AKAP3: variants seen among roughly 807,000 people sequenced by gnomAD.
AKAP3 encodes the protein A-kinase anchoring protein 3, also known as A-kinase anchor protein 3.
A neutral mutation model predicts 57.2 loss-of-function variants in AKAP3; 27 were observed. The observed-to-expected ratio is 0.47, with a 90% CI of 0.35 to 0.65. The LOEUF is 0.65. Among genes scored for constraint, AKAP3 ranks in the 30% least tolerant of loss-of-function variants. The pLI is 0.01. For missense variants in AKAP3, 959 were observed against 1,040.0 expected (o/e 0.92, Z 1.07); for synonymous variants, 334 against 392.3 (o/e 0.85, Z 1.76).
rs1253166969 is a variant in AKAP3 at position 4,648,945 on chromosome 12, T to A, written c.-445A>T. ...AGATCTGAGATTCCAACAGCCAAAG[T>A]CTTTTCACTTCCTTTCTTCCCCCTC... On this transcript the variant is annotated 5_prime_UTR_variant, in exon 1 of 6. Transcript: ENST00000228850. The A allele has an allele frequency of 6.1e-6, 4 of 653,652 alleles. No homozygotes were observed. In the African/African-American group the frequency reaches 7.3e-5, roughly 12 times the overall value. 40.5% of individuals were successfully genotyped at this position (653,652 alleles called of 1,614,324 possible).
intron 4 of AKAP3, among the ~76,000 whole-genome samples, chr12:4,631,565 A>G (rs1215540256): frequency 6.6e-6 from 1 of 152,022 alleles, no homozygotes; most frequent in Non-Finnish European, 1.5e-5. Flanking sequence ...AAGTCTCTTA[A>G]AGGAAGTTTA....
At chr12:4,624,212 G>T (rs937993722) in intron 5 of AKAP3, among the ~76,000 whole-genome samples, 2 of 151,602 alleles carry the variant, frequency 1.3e-5, no homozygotes, top group African/African-American at 4.8e-5. Flanking sequence ...TATATGAAAT[G>T]GCTTCATATA....
intron 1 of AKAP3, among the ~76,000 whole-genome samples, chr12:4,646,113 C>T (rs557897241): frequency 3.3e-4 from 50 of 152,106 alleles, no homozygotes; most frequent in Middle Eastern, 6.8e-3. Context: ...ATACAATAAC[C>T]CTATTTTATC....
intron 4 of AKAP3, chr12:4,635,587 C>T (rs1470162342): frequency 1.4e-6 from 1 of 720,968 alleles, no homozygotes; most frequent in Non-Finnish European, 2.6e-6. Flanking sequence ...CTAGGTCAGC[C>T]TTGTTTCCTG....
chr12:4,623,463 T>C (rs1945369395), intron 5 of AKAP3, among the ~76,000 whole-genome samples: 1 of 152,178 alleles, frequency 6.6e-6, no homozygotes, highest in Non-Finnish European at 1.5e-5. Flanking sequence ...TGCAGGAACA[T>C]GGATGCAGTT....
intron 1 of AKAP3, chr12:4,647,973 A>G (rs1281205261): frequency 1.3e-5 from 2 of 152,158 alleles, no homozygotes; most frequent in Non-Finnish European, 1.5e-5. Flanking sequence ...TTCCTGAAAA[A>G]ACAAAGCACT....
rs1565551680 is a variant in AKAP3 at position 4,626,926 on chromosome 12, C to T, written c.1976G>A (p.Ser659Asn). ...CCCACTCATGTGGCCATCTATCTGG[C>T]TGACAGCCATCTTGGTCAGCCCAGA... ...ALSGLTKMAV[S>N]QIDGHMSGQM... Residue 659 changes from serine (S) to asparagine (N), a missense_variant, in exon 5 of 6, where the codon AGC becomes AAC. Transcript: ENST00000228850. 4.3e-6 allele frequency: 7 copies of T among 1,613,974 alleles called. No individual in the cohort carries two copies. The highest frequency in any genetic ancestry group is 4.5e-5 in the East Asian group (2 of 44,876).
chr12:4,633,704 A>G (rs1945527691), intron 4 of AKAP3, among the ~76,000 whole-genome samples: 2 of 116,200 alleles, frequency 1.7e-5, no homozygotes, highest in South Asian at 7.2e-4. Context: ...AGAAGAGGTC[A>G]TGGGTTTTAT....
In AKAP3 at chr12:4,630,390, A is replaced by T. The variant is rs1945482267; in HGVS notation, c.97-1585T>A. Among the ~76,000 whole-genome samples the T allele has an allele frequency of 1.3e-5, 2 of 152,244 alleles. 1 individual carries two copies. The highest frequency in any genetic ancestry group is 4.8e-5 in the African/African-American group (2 of 41,464). ...CAGCTAGTCCATGGTGGAGTTTCGT[A>T]TTCAGATGCAATTCTGATTCTAAAA... On this transcript the variant is annotated intron_variant, in intron 4 of 5. Transcript: ENST00000228850.
chr12:4,634,811 A>C (rs1945543825), intron 4 of AKAP3, among the ~76,000 whole-genome samples: 2 of 151,172 alleles, frequency 1.3e-5, no homozygotes, highest in South Asian at 4.2e-4. Context: ...CCCACCTTTT[A>C]TATGTGGGAT....
intron 4 of AKAP3, among the ~76,000 whole-genome samples, chr12:4,634,495 C>CA (rs919978494): frequency 1.7e-4 from 26 of 152,268 alleles, no homozygotes; most frequent in African/African-American, 6.3e-4. Flanking sequence ...TAAATATACA[C>CA]AATTGCTAGT....
intron 4 of AKAP3, among the ~76,000 whole-genome samples, chr12:4,636,943 G>A (rs1435259018): frequency 6.6e-6 from 1 of 151,834 alleles, no homozygotes; most frequent in Non-Finnish European, 1.5e-5. Context: ...ACAGAGTTTT[G>A]CCGTGTTGCC....
rs1336154175 is a variant in AKAP3 at position 4,615,536 on chromosome 12, A to C, written c.*203T>G. ...GGAGCCCTTTAATTGTAATTTTTTAATTTTACGTCCTTGCTTGCATGGACA... is the reference window on the plus strand; with the variant it reads ...GGAGCCCTTTAATTGTAATTTTTTACTTTTACGTCCTTGCTTGCATGGACA... On this transcript the variant is annotated 3_prime_UTR_variant, in exon 6 of 6. Transcript: ENST00000228850. 1 of 555,536 alleles carries C rather than the reference A, an allele frequency of 1.8e-6. No homozygotes were observed. Among genetic ancestry groups the C allele is most frequent in the Non-Finnish European group, 3.0e-6 (1 of 338,260 alleles). 34.4% of individuals were successfully genotyped at this position (555,536 alleles called of 1,614,324 possible). A position where few individuals can be genotyped will look rare whatever the true frequency, so the allele number is the denominator to read the frequency against.
intron 1 of AKAP3, among the ~76,000 whole-genome samples, chr12:4,646,214 T>G (rs1350147642): frequency 2.0e-5 from 3 of 152,130 alleles, no homozygotes; most frequent in Non-Finnish European, 4.4e-5. Context: ...TATTACTACA[T>G]TCTCTGAAAA....
intron 4 of AKAP3, 108 bp downstream of exon 4, chr12:4,637,993 C>A: frequency 3.1e-6 from 3 of 982,802 alleles, no homozygotes; most frequent in East Asian, 2.4e-5. Context: ...CCTCAAGAAT[C>A]CCACCTTGAA....
intron 5 of AKAP3, among the ~76,000 whole-genome samples, chr12:4,619,697 A>C (rs1945324215): frequency 6.6e-6 from 1 of 152,238 alleles, no homozygotes; most frequent in Admixed American, 6.5e-5. Context: ...ACATATAACC[A>C]CACAGACTTG....
chr12:4,646,705 T>C (rs968086246), intron 1 of AKAP3, among the ~76,000 whole-genome samples: 2 of 152,172 alleles, frequency 1.3e-5, no homozygotes, highest in Non-Finnish European at 2.9e-5. Context: ...TGATCTTTTA[T>C]ATTGTCTCAA....
rs34781557 is a variant in AKAP3 at position 4,626,634 on chromosome 12, C to T, written c.2268G>A (p.Thr756=). The change falls in exon 5 of 6, where the codon ACG becomes ACA. Residue 756 remains threonine (T), a synonymous_variant. Coordinates refer to ENST00000228850, the MANE Select transcript of AKAP3 (RefSeq NM_001278309.2). The part of the protein sequence containing the change: ...GQPPEGCAAP[T]VIVSNHNLTD... ...TTAGGTTGTGATTGCTGACAATCAC[C>T]GTGGGTGCTGCACACCCTTCAGGGG... The T allele has an allele frequency of 9.9e-4, 1,594 of 1,614,204 alleles. 21 individuals are homozygous for T. The African/African-American group carries it at 0.018, about 18-fold the overall frequency.
chr12:4,635,125 A>C (rs770659713), intron 4 of AKAP3, among the ~76,000 whole-genome samples: 1 of 152,196 alleles, frequency 6.6e-6, no homozygotes, highest in Non-Finnish European at 1.5e-5. Flanking sequence ...GTATACACAC[A>C]GTTCTCATTT....
Sources: allele counts gnomAD v4.1 joint callset (sites outside exome capture counted in the v4.1 genomes callset), GRCh38; gene constraint gnomAD v4.1.1; transcripts MANE v1.5; gene names NCBI Gene and HGNC (gene_info 2026-07-23, HGNC 2026-07-21).